Variants in PCDHA3 observed in about 807,000 individuals in gnomAD.
The protein encoded by PCDHA3 is protocadherin alpha 3.
PCDHA3 carries 41 observed loss-of-function variants against 62.2 expected under a neutral mutation model. The observed-to-expected ratio is 0.66, with a 90% CI of 0.51 to 0.86. The LOEUF is 0.86. Among genes scored for constraint, PCDHA3 ranks in the 40% least tolerant of loss-of-function variants. The pLI is 0.00. For missense variants in PCDHA3, 1,304 were observed against 1,241.2 expected, an observed-to-expected ratio of 1.05 and a Z score of -0.76; for synonymous variants, 640 against 555.4, an observed-to-expected ratio of 1.15 and a Z score of -2.14.
At chr5:140,994,387 C>G (rs192635308) in intron 3 of PCDHA3, among the ~76,000 whole-genome samples, 1 of 152,174 alleles carries the variant, frequency 6.6e-6, no homozygotes, top group South Asian at 2.1e-4. Context: ...GGGACTAAGT[C>G]AGAGATTATT....
intron 1 of PCDHA3, chr5:140,930,304 A>G (rs1554207720): frequency 6.6e-6 from 1 of 152,236 alleles, no homozygotes. Flanking sequence ...ATAAGTAAAT[A>G]TCATATTTGA....
intron 1 of PCDHA3, chr5:140,830,531 A>G (rs1369304780): frequency 3.9e-6 from 5 of 1,283,804 alleles, no homozygotes; most frequent in Non-Finnish European, 5.2e-6. Flanking sequence ...TTTTAAATTT[A>G]TAATTGTTTT....
chr5:140,869,502 C>G (rs2051182557), intron 1 of PCDHA3: 1 of 1,614,090 alleles, frequency 6.2e-7, no homozygotes, highest in African/African-American at 1.3e-5. Context: ...CGCCGGTGTT[C>G]TCGCTCAGAG....
At chr5:140,869,928 A>G (rs1554163617) in intron 1 of PCDHA3, 1 of 1,611,726 alleles carries the variant, frequency 6.2e-7, no homozygotes, top group Middle Eastern at 1.6e-4. Context: ...GAGTCAATGG[A>G]GAGGTAACAT....
intron 1 of PCDHA3, among the ~76,000 whole-genome samples, chr5:140,933,588 G>A (rs2089253151): frequency 6.6e-6 from 1 of 151,988 alleles, no homozygotes; most frequent in Non-Finnish European, 1.5e-5. Flanking sequence ...TGGGTTTTTA[G>A]GTTGATTTGT....
chr5:140,823,670 C>A, intron 1 of PCDHA3: 1 of 1,614,038 alleles, frequency 6.2e-7, no homozygotes, highest in South Asian at 1.1e-5. Flanking sequence ...GAGATCAGCA[C>A]AACACGCTCT....
chr5:140,929,308 G>A, intron 1 of PCDHA3: 3 of 1,569,682 alleles, frequency 1.9e-6, no homozygotes, highest in East Asian at 2.3e-5. Context: ...AGGGGATCAC[G>A]CTAATGTCAA....
At chr5:140,911,474 C>T (rs782702993) in intron 1 of PCDHA3, among the ~76,000 whole-genome samples, 45 of 152,144 alleles carry the variant, frequency 3.0e-4, no homozygotes, top group Non-Finnish European at 2.8e-4. Flanking sequence ...ATAAGACTCT[C>T]ACTCAGGGCA....
At chr5:140,850,247 G>C (rs2150475537) in intron 1 of PCDHA3, 3 of 1,593,682 alleles carry the variant, frequency 1.9e-6, no homozygotes, top group Middle Eastern at 2.3e-4. Context: ...TGCTGCGGTC[G>C]GTGGGCGCCG....
At chr5:140,916,327 A>G (rs1218792272) in intron 1 of PCDHA3, among the ~76,000 whole-genome samples, 5 of 152,226 alleles carry the variant, frequency 3.3e-5, no homozygotes, top group African/African-American at 1.2e-4. Context: ...AGTCCCCTTT[A>G]CTTTTTCCTC....
chr5:140,839,742 T>A (rs1554137563), intron 1 of PCDHA3, among the ~76,000 whole-genome samples: 2 of 152,054 alleles, frequency 1.3e-5, no homozygotes, highest in Non-Finnish European at 2.9e-5. Flanking sequence ...ATACCCTTAT[T>A]TGCCTTTCCT....
chr5:141,004,024 C>T (rs1380291199), intron 3 of PCDHA3, among the ~76,000 whole-genome samples: 1 of 152,210 alleles, frequency 6.6e-6, no homozygotes, highest in African/African-American at 2.4e-5. Context: ...AAAGAAGAAA[C>T]ATTTCCTTGA....
At chr5:140,836,002 C>T in intron 1 of PCDHA3, 4 of 1,613,242 alleles carry the variant, frequency 2.5e-6, no homozygotes, top group Non-Finnish European at 2.5e-6. Flanking sequence ...GCGCGCGATG[C>T]GGGCGTGCCG....
At chr5:140,863,966 A>G (rs1411552186) in intron 1 of PCDHA3, 1 of 154,822 alleles carries the variant, frequency 6.5e-6, no homozygotes, top group Non-Finnish European at 1.4e-5. Context: ...AGGCCACTGC[A>G]CTACAGCCTG....
At chr5:140,980,595 A>G (rs2096897056) in intron 2 of PCDHA3, among the ~76,000 whole-genome samples, 1 of 152,222 alleles carries the variant, frequency 6.6e-6, no homozygotes, top group South Asian at 2.1e-4. Context: ...GAGCCACTGC[A>G]CTCCAGCCTG....
intron 1 of PCDHA3, chr5:140,852,731 C>G: frequency 1.0e-6 from 1 of 983,362 alleles, no homozygotes; most frequent in Non-Finnish European, 1.2e-6. Context: ...TTTCAAGTTT[C>G]ATGTGCCATT....
At position 140,857,848 on chromosome 5, in the gene PCDHA3, T is replaced by C. The variant is rs781886791; in HGVS notation, c.2394+54257T>C. The C allele has an allele frequency of 1.4e-5, 23 of 1,597,666 alleles. No homozygotes were observed. The highest frequency in any genetic ancestry group is 1.9e-5 in the Non-Finnish European group (22 of 1,167,550). The stretch of plus-strand genomic sequence containing the variant: ...AGGTGCGCGCAGTGGACGCTGACTC[T>C]GGATACAACGCGTGGCTGTCGTATG... On this transcript the variant is annotated intron_variant, in intron 1 of 3. Coordinates refer to ENST00000522353, the MANE Select transcript of PCDHA3 (RefSeq NM_018906.3).
intron 1 of PCDHA3, chr5:140,881,999 A>C: frequency 2.1e-6 from 1 of 471,262 alleles, no homozygotes. Context: ...AGGAAATGCA[A>C]GGGGCAAAAA....
In PCDHA3 at chr5:140,802,997, C is replaced by T. The variant is rs781934902; in HGVS notation, c.1800C>T (p.Asp600=). 1.9e-6 allele frequency: 3 copies of T among 1,613,922 alleles called. No homozygotes were observed. Among genetic ancestry groups the T allele is most frequent in the African/African-American group, 1.3e-5 (1 of 74,944 alleles). Reference sequence around the variant, plus strand: ...CGAAGGTGCGCGCAGTGGATGCAGACTCAGGCTACAACGCGTGGCTTTCGT... The same window carrying T: ...CGAAGGTGCGCGCAGTGGATGCAGATTCAGGCTACAACGCGTGGCTTTCGT... ...VVAKVRAVDA[D]SGYNAWLSYE... The change falls in exon 1 of 4, where the codon GAC becomes GAT. Residue 600 remains aspartate (D), a synonymous_variant. Coordinates refer to ENST00000522353, the MANE Select transcript of PCDHA3 (RefSeq NM_018906.3).
Sources: gnomAD v4.1 joint callset for allele counts (sites outside exome capture counted in the v4.1 genomes callset) on GRCh38, gnomAD v4.1.1 for gene constraint, MANE v1.5 for transcripts, NCBI Gene and HGNC (gene_info 2026-07-23, HGNC 2026-07-21) for gene names.